Variants in KDM2A observed in about 807,000 individuals in gnomAD.
KDM2A encodes the protein lysine-specific demethylase 2A.
KDM2A carries 3 observed loss-of-function variants against 137.3 expected under a neutral mutation model. The observed-to-expected ratio is 0.02, with a 90% CI of 0.01 to 0.06. The LOEUF (loss-of-function observed/expected upper bound fraction) is 0.06. Ranked by LOEUF, KDM2A falls within the 10% of genes least tolerant of loss-of-function variation. The probability of loss-of-function intolerance (pLI) is 1.00; values close to 1 mark genes in which losing one functional copy is unlikely to be tolerated. For synonymous variants in KDM2A, 512 were observed against 541.5 expected, an observed-to-expected ratio of 0.95 and a Z score of 0.76; for missense variants, 738 against 1,510.6, an observed-to-expected ratio of 0.49 and a Z score of 8.48.
intron 8 of KDM2A, 69 bp downstream of exon 8, chr11:67,216,018 T>C (rs1858147617): frequency 1.9e-6 from 2 of 1,058,204 alleles, no homozygotes; most frequent in Admixed American, 1.7e-5. Flanking sequence ...AGTTCATGTA[T>C]ACTTAATATA....
Position 67,129,726 on chromosome 11 carries a change from TC to T in KDM2A, c.42+8370del, listed in dbSNP as rs1308815648. Among the ~76,000 whole-genome samples the T allele has an allele frequency of 3.4e-5, 4 of 117,256 alleles. No individual in the cohort carries two copies. The South Asian group carries it at 1.1e-3, about 31-fold the overall frequency. 76.9% of individuals were successfully genotyped at this position (117,256 alleles called of 152,430 possible). A position where few individuals can be genotyped will look rare whatever the true frequency, so the allele number is the denominator to read the frequency against. On this transcript the variant is annotated intron_variant, in intron 2 of 20. Coordinates refer to ENST00000529006, the MANE Select transcript of KDM2A (RefSeq NM_012308.3). ...TCCAGTCTGGGTGACAGAGCGAGAC[TC>T]CATCTCAAAAAAAAAAAAAAAAAGA...
At chr11:67,200,379 C>T (rs1857588329) in intron 5 of KDM2A, among the ~76,000 whole-genome samples, 1 of 152,086 alleles carries the variant, frequency 6.6e-6, no homozygotes, top group African/African-American at 2.4e-5. Context: ...CCACGTCCGG[C>T]TAATTTTTTT....
At chr11:67,253,229 CCTT>C (rs564858134) in intron 18 of KDM2A, among the ~76,000 whole-genome samples, 122 of 152,284 alleles carry the variant, frequency 8.0e-4, no homozygotes, top group Non-Finnish European at 1.6e-3. Flanking sequence ...GGAAGTCACT[CCTT>C]CTTGTATTGC....
At chr11:67,244,720 T>C (rs1859152213) in intron 13 of KDM2A, among the ~76,000 whole-genome samples, 1 of 152,102 alleles carries the variant, frequency 6.6e-6, no homozygotes, top group Non-Finnish European at 1.5e-5. Flanking sequence ...GTGTGGTGGC[T>C]CACACCTGTA....
At chr11:67,206,295 G>A (rs191307964) in intron 5 of KDM2A, among the ~76,000 whole-genome samples, 27 of 152,316 alleles carry the variant, frequency 1.8e-4, no homozygotes, top group African/African-American at 5.8e-4. Context: ...GGCAGGCGTG[G>A]TGGCACACGG....
intron 5 of KDM2A, chr11:67,196,160 C>T (rs929569092): frequency 1.9e-5 from 8 of 415,156 alleles, no homozygotes; most frequent in Admixed American, 5.5e-5. Flanking sequence ...TCTAACAAGA[C>T]ATAATCCACT....
At chr11:67,251,394 C>A (rs928687186) in intron 17 of KDM2A, among the ~76,000 whole-genome samples, 4 of 152,202 alleles carry the variant, frequency 2.6e-5, no homozygotes, top group Non-Finnish European at 4.4e-5. Flanking sequence ...GCTACCATTT[C>A]TTCTTAAGTT....
intron 2 of KDM2A, among the ~76,000 whole-genome samples, chr11:67,122,740 ATC>A (rs1264286093): frequency 2.0e-5 from 3 of 150,984 alleles, no homozygotes; most frequent in African/African-American, 7.3e-5. Flanking sequence ...CAGTGGCGCA[ATC>A]TCTGCTCACT....
chr11:67,153,954 T>A (rs1856458426), intron 2 of KDM2A, among the ~76,000 whole-genome samples: 1 of 152,242 alleles, frequency 6.6e-6, no homozygotes, highest in African/African-American at 2.4e-5. Context: ...GCATACATCA[T>A]GACACATTAT....
chr11:67,183,975 G>A (rs1857146402), intron 5 of KDM2A, among the ~76,000 whole-genome samples: 1 of 151,620 alleles, frequency 6.6e-6, no homozygotes, highest in Admixed American at 6.6e-5. Flanking sequence ...TGGGTGTGGT[G>A]GCATGCACCA....
intron 2 of KDM2A, among the ~76,000 whole-genome samples, chr11:67,132,738 G>C (rs1293439234): frequency 6.6e-6 from 1 of 152,196 alleles, no homozygotes. Flanking sequence ...GGTTTTCAAA[G>C]TGTAGGTCTC....
At chr11:67,184,058 A>G (rs1056032248) in intron 5 of KDM2A, among the ~76,000 whole-genome samples, 1 of 147,564 alleles carries the variant, frequency 6.8e-6, no homozygotes, top group Non-Finnish European at 1.5e-5. Context: ...TGATCACACC[A>G]CTGCACTCCA....
intron 3 of KDM2A, among the ~76,000 whole-genome samples, chr11:67,180,959 G>GC (rs1160285419): frequency 6.8e-6 from 1 of 146,104 alleles, no homozygotes; most frequent in Non-Finnish European, 1.5e-5. Flanking sequence ...ACCACACCTG[G>GC]CCCTTTTTTT....
At chr11:67,227,710 C>A (rs1858592282) in intron 10 of KDM2A, among the ~76,000 whole-genome samples, 2 of 152,080 alleles carry the variant, frequency 1.3e-5, no homozygotes, top group African/African-American at 4.8e-5. Context: ...GCTGGGATTA[C>A]AAGGTGTGCA....
At chr11:67,197,003 C>G (rs1452662287) in intron 5 of KDM2A, 1 of 152,928 alleles carries the variant, frequency 6.5e-6, no homozygotes, top group Non-Finnish European at 1.5e-5. Flanking sequence ...TTCCCACTTC[C>G]TTACCACTTT....
intron 2 of KDM2A, among the ~76,000 whole-genome samples, chr11:67,147,943 C>T (rs1856293275): frequency 1.3e-5 from 2 of 151,884 alleles, no homozygotes; most frequent in African/African-American, 2.4e-5. Context: ...TCCCAAAGTG[C>T]GGGGATTATA....
At chr11:67,247,933 C>T (rs139087066) in intron 15 of KDM2A, among the ~76,000 whole-genome samples, 1 of 152,284 alleles carries the variant, frequency 6.6e-6, no homozygotes, top group East Asian at 1.9e-4. Flanking sequence ...TTCACCACAA[C>T]CCTATAAGGT....
At position 67,238,099 on chromosome 11, in the gene KDM2A, T is replaced by A. The variant is rs1318251238; in HGVS notation, c.1480-4910T>A. Among the ~76,000 whole-genome samples the A allele has an allele frequency of 2.0e-5, 3 of 152,330 alleles. No homozygotes were observed. In the East Asian group the frequency reaches 5.8e-4, roughly 29 times the overall value. ...TGCTTAAAGTTACATATAATTATTT[T>A]AAATATTTTCCTTATATTCTTGTAT... On this transcript the variant is annotated intron_variant, in intron 12 of 20. Transcript: ENST00000529006.
At chr11:67,209,485 C>T (rs1204384151) in intron 6 of KDM2A, among the ~76,000 whole-genome samples, 1 of 150,024 alleles carries the variant, frequency 6.7e-6, no homozygotes, top group Admixed American at 6.7e-5. Context: ...GCTCTGTTGC[C>T]CAGGCTTTAG....
Sources: allele counts gnomAD v4.1 joint callset (sites outside exome capture counted in the v4.1 genomes callset), GRCh38; gene constraint gnomAD v4.1.1; transcripts MANE v1.5; gene names NCBI Gene and HGNC (gene_info 2026-07-23, HGNC 2026-07-21).